Variants in SHQ1 observed in about 807,000 individuals in gnomAD.
SHQ1 encodes protein SHQ1 homolog.
SHQ1 carries 49 observed loss-of-function variants against 53.8 expected under a neutral mutation model. That is an observed-to-expected ratio of 0.91 (90% CI 0.72 to 1.16). The LOEUF (loss-of-function observed/expected upper bound fraction) is 1.16. Ranked by LOEUF, SHQ1 falls within the 50% of genes most tolerant of loss-of-function variation. The probability of loss-of-function intolerance (pLI) is 0.00; values close to 1 mark genes in which losing one functional copy is unlikely to be tolerated. For synonymous variants in SHQ1, 243 were observed against 251.0 expected (o/e 0.97, Z 0.30); for missense variants, 738 against 683.1 (o/e 1.08, Z -0.90).
the SHQ1 span, among the ~76,000 whole-genome samples, chr3:72,742,347 C>A: frequency 6.6e-6 from 1 of 151,964 alleles, no homozygotes; most frequent in African/African-American, 2.4e-5. Flanking sequence ...GGAAAATCCT[C>A]GCTAATCAGA....
chr3:72,813,508 G>A (rs987332744), intron 8 of SHQ1, among the ~76,000 whole-genome samples: 1 of 147,780 alleles, frequency 6.8e-6, no homozygotes, highest in African/African-American at 2.5e-5. Context: ...GCTCATGCCT[G>A]TGATCTCAGC....
chr3:72,807,325 C>T (rs980232146), intron 9 of SHQ1, among the ~76,000 whole-genome samples: 3 of 152,142 alleles, frequency 2.0e-5, no homozygotes, highest in African/African-American at 7.2e-5. Context: ...CCCTGTGCCC[C>T]CATTAGAACT....
chr3:72,795,342 T>C (rs888015998), intron 9 of SHQ1: 7 of 152,250 alleles, frequency 4.6e-5, no homozygotes, highest in Non-Finnish European at 7.3e-5. Context: ...AGGTTAACTA[T>C]GTCAAATGAT....
At chr3:72,792,403 C>T (rs923178615) in intron 10 of SHQ1, among the ~76,000 whole-genome samples, 1 of 152,160 alleles carries the variant, frequency 6.6e-6, no homozygotes, top group Non-Finnish European at 1.5e-5. Context: ...CATCTGTGTA[C>T]CTCCTTCCCT....
chr3:72,838,434 T>G (rs543704431), intron 4 of SHQ1, among the ~76,000 whole-genome samples: 1 of 152,254 alleles, frequency 6.6e-6, no homozygotes, highest in Non-Finnish European at 1.5e-5. Context: ...AAGAGTTTAA[T>G]GATTTTAGAT....
intron 10 of SHQ1, among the ~76,000 whole-genome samples, chr3:72,764,438 G>A (rs748694086): frequency 1.3e-5 from 2 of 152,176 alleles, no homozygotes; most frequent in Non-Finnish European, 2.9e-5. Context: ...GTCGTCTATA[G>A]AAAATCAAAC....
In SHQ1 at chr3:72,758,751, TAG is replaced by T. The variant is rs376990115; in HGVS notation, c.1182-7917_1182-7916del. Among the ~76,000 whole-genome samples the T allele has an allele frequency of 5.5e-3, 840 of 152,144 alleles. 8 individuals carry two copies. The highest frequency in any genetic ancestry group is 0.018 in the African/African-American group (749 of 41,506). On this transcript the variant is annotated intron_variant, in intron 10 of 10. Coordinates refer to ENST00000325599, the MANE Select transcript of SHQ1 (RefSeq NM_018130.3). ...CGCCCGGCTAATTTTTGTATTTTGG[TAG>T]AGACAGGGTTTCACCATGTTGGCCA...
At chr3:72,806,590 A>G (rs1359800812) in intron 9 of SHQ1, among the ~76,000 whole-genome samples, 1 of 152,234 alleles carries the variant, frequency 6.6e-6, no homozygotes, top group Non-Finnish European at 1.5e-5. Flanking sequence ...CAGATAGGAA[A>G]GAAACTATCA....
chr3:72,829,059 T>C (rs1206675122), intron 5 of SHQ1, among the ~76,000 whole-genome samples: 1 of 146,008 alleles, frequency 6.8e-6, no homozygotes, highest in African/African-American at 2.5e-5. Flanking sequence ...AAAAAAAAAA[T>C]ACTACAGAGA....
chr3:72,737,932 C>G, the SHQ1 span, among the ~76,000 whole-genome samples: 1 of 152,174 alleles, frequency 6.6e-6, no homozygotes, highest in African/African-American at 2.4e-5. Flanking sequence ...TGAGTTCTCC[C>G]TTTTTCTTAA....
rs1705336062 is a variant in SHQ1 at position 72,750,301 on chromosome 3, G to A, written c.1717C>T (p.Gln573Ter). 5 of 1,608,470 alleles carry A rather than the reference G, an allele frequency of 3.1e-6. No homozygotes were observed. In the Admixed American group the frequency reaches 6.8e-5, roughly 22 times the overall value. ...CCTAAGAGTCAATTATTTGGTGTCT[G>A]ACAGCCGTCTCTCTCCTGAATATTG... The part of the protein sequence containing the change: ...RSNIQERDGC[Q>*]TPNN The change falls in exon 11 of 11, where the codon CAG (glutamine) becomes TAG (stop). Residue 573 changes from glutamine to a stop codon, truncating the protein, a stop_gained. Coordinates refer to ENST00000325599, the MANE Select transcript of SHQ1 (RefSeq NM_018130.3). LOFTEE classifies it high-confidence loss of function.
At chr3:72,776,305 C>T (rs1345473484) in intron 10 of SHQ1, among the ~76,000 whole-genome samples, 1 of 152,158 alleles carries the variant, frequency 6.6e-6, no homozygotes, top group African/African-American at 2.4e-5. Flanking sequence ...TTTTACTGTA[C>T]CTTTTCCATA....
intron 10 of SHQ1, among the ~76,000 whole-genome samples, chr3:72,791,415 T>C (rs145558572): frequency 2.6e-5 from 4 of 152,328 alleles, no homozygotes; most frequent in African/African-American, 9.6e-5. Context: ...CTGTATGTTA[T>C]TAGGCATTAT....
At chr3:72,845,260 G>A (rs560167861) in intron 1 of SHQ1, among the ~76,000 whole-genome samples, 4 of 152,088 alleles carry the variant, frequency 2.6e-5, no homozygotes, top group Admixed American at 6.6e-5. Flanking sequence ...GAGGTGGGTC[G>A]ATCACCTTAG....
chr3:72,729,188 T>C, the SHQ1 span, among the ~76,000 whole-genome samples: 3,105 of 152,308 alleles, frequency 0.02, 110 homozygotes, highest in African/African-American at 0.072. Context: ...GGAGCATAAA[T>C]AGTCACGGTT....
chr3:72,740,197 G>C, the SHQ1 span, among the ~76,000 whole-genome samples: 1 of 152,186 alleles, frequency 6.6e-6, no homozygotes, highest in African/African-American at 2.4e-5. Flanking sequence ...AAGCCAACCA[G>C]CCATCCCATT....
At chr3:72,818,634 C>T (rs951287243) in intron 6 of SHQ1, among the ~76,000 whole-genome samples, 1 of 152,168 alleles carries the variant, frequency 6.6e-6, no homozygotes, top group African/African-American at 2.4e-5. Flanking sequence ...TCCAATGAGT[C>T]ATATCATTAT....
chr3:72,770,218 C>T (rs906550105), intron 10 of SHQ1, among the ~76,000 whole-genome samples: 14 of 152,212 alleles, frequency 9.2e-5, no homozygotes, highest in African/African-American at 3.4e-4. Flanking sequence ...GTTAGCTCAT[C>T]TAATTTTCCT....
intron 10 of SHQ1, among the ~76,000 whole-genome samples, chr3:72,762,210 C>T (rs763367956): frequency 6.6e-6 from 1 of 152,126 alleles, no homozygotes; most frequent in Non-Finnish European, 1.5e-5. Context: ...GCTATGGCAA[C>T]GCTAAATGCT....
Sources: gnomAD v4.1 joint callset for allele counts (sites outside exome capture counted in the v4.1 genomes callset) on GRCh38, gnomAD v4.1.1 for gene constraint, MANE v1.5 for transcripts, NCBI Gene and HGNC (gene_info 2026-07-23, HGNC 2026-07-21) for gene names.